The following CNOT4 variants were observed in gnomAD, a reference collection of about 807,000 sequenced individuals.
CNOT4 encodes CCR4-NOT transcription complex subunit 4.
Under a neutral mutation model 73.8 loss-of-function variants are expected in CNOT4, and 8 were observed. The observed-to-expected ratio is 0.11, with a 90% CI of 0.06 to 0.20. The LOEUF is 0.20. CNOT4 is among the 10% of genes least tolerant of loss of function. The pLI, the probability that CNOT4 is intolerant of heterozygous loss-of-function variation, is 1.00. For synonymous variants in CNOT4, 293 were observed against 321.1 expected (o/e 0.91, Z 0.94); for missense variants, 564 against 883.4 (o/e 0.64, Z 4.58).
chr7:135,447,963 G>GAA (rs977297328), intron 1 of CNOT4, among the ~76,000 whole-genome samples: 1 of 152,174 alleles, frequency 6.6e-6, no homozygotes, highest in Admixed American at 6.5e-5. Context: ...GGTGTGGTCA[G>GAA]AAAAAGAAAC....
chr7:135,395,563 G>A (rs185233739), intron 9 of CNOT4, 71 bp downstream of exon 9: 2 of 1,464,178 alleles, frequency 1.4e-6, no homozygotes, highest in Non-Finnish European at 1.9e-6. Flanking sequence ...ATCCACTAAT[G>A]AGTTTCATGT....
chr7:135,409,320 CTGTTT>C (rs1161539547), intron 7 of CNOT4, among the ~76,000 whole-genome samples: 1 of 152,086 alleles, frequency 6.6e-6, no homozygotes, highest in African/African-American at 2.4e-5. Flanking sequence ...CCAGAAAGAT[CTGTTT>C]TGACTTAGCT....
At chr7:135,372,671 C>G (rs1795282524) in intron 10 of CNOT4, among the ~76,000 whole-genome samples, 1 of 151,322 alleles carries the variant, frequency 6.6e-6, no homozygotes, top group African/African-American at 2.4e-5. Flanking sequence ...ATTCTCCTAT[C>G]TCAGTTTCCC....
chr7:135,469,396 A>G (rs542372362), intron 1 of CNOT4, among the ~76,000 whole-genome samples: 9 of 152,262 alleles, frequency 5.9e-5, no homozygotes, highest in Non-Finnish European at 1.3e-4. Context: ...TGTTTAAGCT[A>G]GTTTGGTCAA....
At chr7:135,424,043 AC>A (rs1563041569) in intron 2 of CNOT4, among the ~76,000 whole-genome samples, 10 of 3,982 alleles carry the variant, frequency 2.5e-3, no homozygotes, top group South Asian at 0.011. Context: ...CAAACAAAAC[AC>A]ACACACACAC....
At chr7:135,380,829 C>T (rs983533662) in intron 10 of CNOT4, among the ~76,000 whole-genome samples, 4 of 152,112 alleles carry the variant, frequency 2.6e-5, no homozygotes, top group South Asian at 2.1e-4. Flanking sequence ...TGTTATTATT[C>T]GGTCTTTAAA....
chr7:135,504,859 ACC>A (rs1804261588), intron 1 of CNOT4, among the ~76,000 whole-genome samples: 1 of 151,596 alleles, frequency 6.6e-6, no homozygotes, highest in African/African-American at 2.4e-5. Flanking sequence ...CGAACTCCTG[ACC>A]TCGTGATCTG....
intron 1 of CNOT4, among the ~76,000 whole-genome samples, chr7:135,500,025 C>T (rs1019589082): frequency 3.3e-5 from 5 of 152,032 alleles, no homozygotes; most frequent in Non-Finnish European, 5.9e-5. Flanking sequence ...GCGATGCCAA[C>T]GAAAAACAGA....
chr7:135,369,016 G>T (rs1795057540), intron 10 of CNOT4, among the ~76,000 whole-genome samples: 1 of 150,750 alleles, frequency 6.6e-6, no homozygotes, highest in South Asian at 2.1e-4. Context: ...CAAGCCAATG[G>T]GTTTTTCCAG....
chr7:135,502,571 T>C (rs183690415), intron 1 of CNOT4, among the ~76,000 whole-genome samples: 1,773 of 152,256 alleles, frequency 0.012, 38 homozygotes, highest in African/African-American at 0.041. Flanking sequence ...TCCCAACACT[T>C]TGGGAGGCCG....
chr7:135,387,636 C>A, intron 10 of CNOT4: 1 of 984,120 alleles, frequency 1.0e-6, no homozygotes, highest in Non-Finnish European at 1.2e-6. Flanking sequence ...CCTTTCTTCC[C>A]AGATGCTTCA....
intron 1 of CNOT4, among the ~76,000 whole-genome samples, chr7:135,453,958 C>T (rs936025195): frequency 2.3e-4 from 32 of 139,062 alleles, no homozygotes; most frequent in African/African-American, 7.4e-4. Context: ...GGCAATATGG[C>T]GAAACCCTAT....
chr7:135,405,879 G>C (rs1797254678), intron 7 of CNOT4, among the ~76,000 whole-genome samples: 2 of 152,058 alleles, frequency 1.3e-5, no homozygotes, highest in Non-Finnish European at 2.9e-5. Context: ...CAATCTATAA[G>C]GTTCCAGGCT....
At position 135,394,052 on chromosome 7, in the gene CNOT4, T is replaced by C. The variant is rs951684499; in HGVS notation, c.1493A>G (p.Tyr498Cys). 4 of 1,614,044 alleles carry C rather than the reference T, an allele frequency of 2.5e-6. No individual in the cohort carries two copies. In the African/African-American group the frequency reaches 4.0e-5, roughly 16 times the overall value. Residue 498 changes from tyrosine (Y) to cysteine (C), a missense_variant, in exon 10 of 12, where the codon TAT becomes TGT. By Grantham distance (194) the Tyr-to-Cys change is radical. Coordinates refer to ENST00000541284, the MANE Select transcript of CNOT4 (RefSeq NM_001190850.2). ...SFSFPGQAAR[Y>C]PWMAFPRNSI... ...ATTGCGTGGAAAGGCCATCCAAGGA[T>C]AGCGGGCTGCCTGGCCTGGAAAACT...
chr7:135,483,509 A>T (rs959527275), intron 1 of CNOT4, among the ~76,000 whole-genome samples: 4 of 152,038 alleles, frequency 2.6e-5, no homozygotes, highest in African/African-American at 9.7e-5. Context: ...GAAGCATTTG[A>T]CAAAATTCAT....
chr7:135,433,140 A>G (rs1315347373), intron 2 of CNOT4, among the ~76,000 whole-genome samples: 1 of 151,950 alleles, frequency 6.6e-6, no homozygotes. Context: ...TAGAGCACTT[A>G]ATTGTTTGGT....
At chr7:135,472,582 G>A (rs564497119) in intron 1 of CNOT4, among the ~76,000 whole-genome samples, 20 of 103,764 alleles carry the variant, frequency 1.9e-4, no homozygotes, top group South Asian at 3.7e-4. Context: ...CCATAAGTAC[G>A]TCATAGCATC....
chr7:135,414,515 C>A, intron 4 of CNOT4, 83 bp from the exon 5 acceptor site: 2 of 699,058 alleles, frequency 2.9e-6, no homozygotes, highest in Non-Finnish European at 5.2e-6. Flanking sequence ...CTAGGGAATT[C>A]TAAAGACCCT....
chr7:135,406,341 T>G (rs1797282318), intron 7 of CNOT4, among the ~76,000 whole-genome samples: 1 of 118,780 alleles, frequency 8.4e-6, no homozygotes, highest in South Asian at 2.9e-4. Flanking sequence ...ATCATGTACT[T>G]ATGCAAAGCA....
Sources: allele counts gnomAD v4.1 joint callset (sites outside exome capture counted in the v4.1 genomes callset), GRCh38; gene constraint gnomAD v4.1.1; transcripts MANE v1.5; gene names NCBI Gene and HGNC (gene_info 2026-07-23, HGNC 2026-07-21).